CD163L1: variants seen among roughly 807,000 people sequenced by gnomAD.
CD163L1 encodes CD163 molecule like 1.
In CD163L1, 124 loss-of-function variants were observed where a neutral mutation model predicts 165.4. The ratio of observed to expected loss-of-function variants is 0.75; its 90% CI spans 0.65 to 0.87. CD163L1 has a LOEUF of 0.87. Among genes scored for constraint, CD163L1 ranks in the 40% least tolerant of loss-of-function variants. CD163L1 has a pLI of 0.00. For synonymous variants in CD163L1, 585 were observed against 662.2 expected (o/e 0.88, Z 1.79); for missense variants, 1,525 against 1,799.9 (o/e 0.85, Z 2.76).
At chr12:7,436,028 T>C (rs1381851145) in intron 2 of CD163L1, among the ~76,000 whole-genome samples, 1 of 152,176 alleles carries the variant, frequency 6.6e-6, no homozygotes, top group African/African-American at 2.4e-5. Flanking sequence ...ATCTATCATA[T>C]TATTAGAAAG....
chr12:7,343,466 G>C (rs978790412), downstream of CD163L1, among the ~76,000 whole-genome samples: 9 of 152,182 alleles, frequency 5.9e-5, no homozygotes, highest in African/African-American at 2.2e-4. Flanking sequence ...AGGAAGCATA[G>C]TGCTGGGCAT....
rs200970760 is a variant in CD163L1, at chr12:7,421,472, T to TAC, written c.766+10942_766+10943dup. Among the ~76,000 whole-genome samples, 365 of 106,646 alleles carry TAC rather than the reference T, an allele frequency of 3.4e-3. 43 individuals are homozygous for TAC. The highest frequency in any genetic ancestry group is 0.015 in the Middle Eastern group (2 of 130). The allele number at this position is 106,646 out of a possible 152,430, so 70.0% of individuals were successfully genotyped here. On this transcript the variant is annotated intron_variant, in intron 4 of 19. Transcript: ENST00000313599. The stretch of plus-strand genomic sequence containing the variant: ...ATATATGTACATATATACATATATA[T>TAC]ACATATATGTACATATATACATATA...
Position 7,403,750 on chromosome 12 carries a change from C to T in CD163L1, c.1193G>A (p.Trp398Ter), listed in dbSNP as rs1947958967. 1.2e-6 allele frequency: 2 copies of T among 1,613,886 alleles called. No homozygotes were observed. The highest frequency in any genetic ancestry group is 1.3e-5 in the African/African-American group (1 of 74,876). ...EQWWTICDQN[W>*]KNEQALVVCK... ...AACCACAAGGGCTTGTTCATTCTTC[C>T]AGTTCTGGTCACATATTGTCCACCA... Residue 398 changes from tryptophan (W) to a stop codon, truncating the protein, a stop_gained, in exon 6 of 20, where the codon TGG (tryptophan) becomes TAG (stop). Coordinates refer to ENST00000313599, the MANE Select transcript of CD163L1 (RefSeq NM_174941.6). LOFTEE classifies it high-confidence loss of function.
chr12:7,389,458 T>C (rs772093569), intron 8 of CD163L1, among the ~76,000 whole-genome samples: 5 of 152,052 alleles, frequency 3.3e-5, no homozygotes, highest in African/African-American at 1.2e-4. Context: ...GATCTAAAAA[T>C]CAAAACAATT....
chr12:7,336,778 C>G, the CD163L1 span, among the ~76,000 whole-genome samples: 1 of 152,042 alleles, frequency 6.6e-6, no homozygotes, highest in Non-Finnish European at 1.5e-5. Flanking sequence ...CTATTCCCAT[C>G]AAGCTACTAT....
intron 2 of CD163L1, among the ~76,000 whole-genome samples, chr12:7,435,089 TACACAC>T (rs76941329): frequency 1.3e-5 from 2 of 151,906 alleles, no homozygotes; most frequent in South Asian, 2.1e-4. Context: ...ATGTAGTTGA[TACACAC>T]ACACACAGAG....
chr12:7,349,721 C>A (rs971388394), intron 4 of CD163L1, among the ~76,000 whole-genome samples: 1 of 152,168 alleles, frequency 6.6e-6, no homozygotes, highest in Non-Finnish European at 1.5e-5. Flanking sequence ...AATTACTCTA[C>A]AAATGTTGAC....
In CD163L1 at chr12:7,409,159, C is replaced by T. The variant is rs373420998; in HGVS notation, c.767-2307G>A. ...AGTCAATAGATAAGGAATATTAATT[C>T]AAAATGTGTTTTTTTAAGTAAGCAT... On this transcript the variant is annotated intron_variant, in intron 4 of 19. Coordinates refer to ENST00000313599, the MANE Select transcript of CD163L1 (RefSeq NM_174941.6). Among the ~76,000 whole-genome samples the T allele has an allele frequency of 3.9e-5, 6 of 152,002 alleles. No homozygotes were observed. In the South Asian group the frequency reaches 1.2e-3, roughly 32 times the overall value.
At position 7,347,406 on chromosome 12, in the gene CD163L1, A is replaced by C. The variant is rs1946677070; in HGVS notation, c.*25-259T>G. 6.6e-6 allele frequency among the ~76,000 whole-genome samples: 1 copy of C among 152,138 alleles called. No homozygotes were observed. Among genetic ancestry groups the C allele is most frequent in the Admixed American group, 6.5e-5 (1 of 15,282 alleles). ...CTGGGATGTTAAAAGTTAGCCTAAT[A>C]GTTTTCTTCATTGACAATGGGTGGT... On this transcript the variant is annotated intron_variant, in intron 4 of 4. Transcript: ENST00000539726. This position sits in a 1 kb window ranked among gnomAD's most constrained non-coding sequence, Gnocchi z 4.2.
intron 18 of CD163L1, among the ~76,000 whole-genome samples, chr12:7,359,209 T>C (rs1056411966): frequency 2.6e-5 from 4 of 151,994 alleles, no homozygotes; most frequent in African/African-American, 9.7e-5. Context: ...TTCTCACAAC[T>C]AATGACAGAA....
intron 4 of CD163L1, among the ~76,000 whole-genome samples, chr12:7,430,408 A>G (rs756782977): frequency 5.1e-4 from 77 of 152,312 alleles, no homozygotes; most frequent in Non-Finnish European, 8.1e-4. Flanking sequence ...CAAACATAAA[A>G]AAATGATAGG....
chr12:7,396,749 A>C (rs1020634340), intron 7 of CD163L1, among the ~76,000 whole-genome samples: 4 of 152,032 alleles, frequency 2.6e-5, no homozygotes, highest in African/African-American at 9.7e-5. Flanking sequence ...CCTCCTCTTC[A>C]GATTTTGGAC....
In CD163L1 at chr12:7,396,195, A is replaced by T; in HGVS notation, c.1950T>A (p.Val650=). Residue 650 remains valine, a synonymous_variant, in exon 8 of 20, where the codon GTT becomes GTA. Transcript: ENST00000313599. ...GATCTGACTCATCTCCATCACAGGA[A>T]ACATCATCGAGCCAAATTTTTCCAT... is the stretch of plus-strand genomic sequence containing the variant. ...TGYGKIWLDD[V]SCDGDESDLW... The T allele has an allele frequency of 6.2e-7, 1 of 1,614,186 alleles. No homozygotes were observed. The highest frequency in any genetic ancestry group is 1.7e-5 in the Admixed American group (1 of 60,028).
At chr12:7,373,750 A>G in intron 13 of CD163L1, 110 bp from the exon 14 acceptor site, 1 of 869,224 alleles carries the variant, frequency 1.2e-6, no homozygotes, top group Non-Finnish European at 1.7e-6. Flanking sequence ...CTCACAATAC[A>G]ATTTCATAAA....
rs145169248 is a variant in CD163L1, at chr12:7,396,337, C to T, written c.1808G>A (p.Arg603Gln). The change falls in exon 8 of 20, where the codon CGG becomes CAG. Residue 603 changes from arginine (R) to glutamine (Q), a missense_variant. By Grantham distance (43) the Arg-to-Gln change is conservative. Coordinates refer to ENST00000313599, the MANE Select transcript of CD163L1 (RefSeq NM_174941.6). The part of the protein sequence containing the change: ...SGRLEVYFQG[R>Q]WGTVCDDGWN... Reference sequence around the variant, plus strand: ...GCCGTCATCACACACTGTGCCCCACCGTCCTTGAAAGTACACCTCCAGTCT... The same window carrying T: ...GCCGTCATCACACACTGTGCCCCACTGTCCTTGAAAGTACACCTCCAGTCT... The T allele has an allele frequency of 5.6e-6, 9 of 1,613,968 alleles. No individual in the cohort carries two copies. Among genetic ancestry groups the T allele is most frequent in the African/African-American group, 4.0e-5 (3 of 74,928 alleles).
chr12:7,436,530 G>C (rs1351277988), intron 2 of CD163L1, among the ~76,000 whole-genome samples: 4 of 152,038 alleles, frequency 2.6e-5, no homozygotes, highest in African/African-American at 7.2e-5. Flanking sequence ...TCAACACTTT[G>C]AAAGGCAGAG....
At chr12:7,409,329 C>A (rs892755922) in intron 4 of CD163L1, among the ~76,000 whole-genome samples, 5 of 152,038 alleles carry the variant, frequency 3.3e-5, no homozygotes, top group Admixed American at 3.3e-4. Flanking sequence ...AAAGGAGACC[C>A]TCAATAACAG....
intron 2 of CD163L1, among the ~76,000 whole-genome samples, chr12:7,437,215 T>TATTTA (rs1948730957): frequency 3.4e-5 from 1 of 29,778 alleles, no homozygotes; most frequent in African/African-American, 3.7e-4. Flanking sequence ...TTTTTTATTT[T>TATTTA]AATAGTATTT....
chr12:7,440,099 C>G (rs1937807816), intron 2 of CD163L1: 1 of 884,984 alleles, frequency 1.1e-6, no homozygotes, highest in Non-Finnish European at 1.8e-6. Flanking sequence ...CGGAAGCCGA[C>G]CAATGGCGGG....
Sources: allele counts gnomAD v4.1 joint callset (sites outside exome capture counted in the v4.1 genomes callset), GRCh38; gene constraint gnomAD v4.1.1; non-coding constraint Gnocchi (gnomAD v3.1); transcripts MANE v1.5; gene names NCBI Gene and HGNC (gene_info 2026-07-23, HGNC 2026-07-21).